Variants in ACAD10 observed in about 807,000 individuals in gnomAD.
The protein encoded by ACAD10 is acyl-CoA dehydrogenase family member 10.
A neutral mutation model predicts 116.8 loss-of-function variants in ACAD10; 112 were observed. That is an observed-to-expected ratio of 0.96 (90% confidence interval 0.82 to 1.12). The LOEUF (loss-of-function observed/expected upper bound fraction) is 1.12. Ranked by LOEUF, ACAD10 falls within the 50% of genes most tolerant of loss-of-function variation. The probability of loss-of-function intolerance (pLI) is 0.00; values close to 1 mark genes in which losing one functional copy is unlikely to be tolerated. For missense variants in ACAD10, 1,259 were observed against 1,350.2 expected, an observed-to-expected ratio of 0.93 and a Z score of 1.06; for synonymous variants, 486 against 510.6, an observed-to-expected ratio of 0.95 and a Z score of 0.65.
At chr12:111,725,732 G>A (rs1003447225) in intron 8 of ACAD10, among the ~76,000 whole-genome samples, 3 of 151,680 alleles carry the variant, frequency 2.0e-5, no homozygotes, top group East Asian at 3.9e-4. Context: ...ACGGGGTTTC[G>A]CCTTGTTGGC....
At chr12:111,746,925 A>G in intron 14 of ACAD10, 124 bp from the exon 15 acceptor site, 1 of 1,309,878 alleles carries the variant, frequency 7.6e-7, no homozygotes, top group Non-Finnish European at 1.0e-6. Flanking sequence ...GCTTGAGCTG[A>G]GGAAGTCGAG....
At chr12:111,708,857 C>T (rs1228331456) in intron 4 of ACAD10, among the ~76,000 whole-genome samples, 5 of 152,084 alleles carry the variant, frequency 3.3e-5, no homozygotes, top group South Asian at 2.1e-4. Flanking sequence ...CAGCACCCTC[C>T]ACCCATTACG....
chr12:111,752,544 GGTTGCA>G (rs1189577792), intron 18 of ACAD10, among the ~76,000 whole-genome samples: 1 of 152,042 alleles, frequency 6.6e-6, no homozygotes, highest in Non-Finnish European at 1.5e-5. Context: ...GGGAGGCAGA[GGTTGCA>G]GTGAGCCGAG....
intron 18 of ACAD10, among the ~76,000 whole-genome samples, chr12:111,750,800 A>G (rs1010535525): frequency 1.2e-4 from 19 of 152,200 alleles, no homozygotes; most frequent in African/African-American, 2.7e-4. Context: ...GTGATTATCA[A>G]TTTCAGAAAG....
At chr12:111,747,588 G>A (rs1295829063) in intron 16 of ACAD10, 2 of 1,397,690 alleles carry the variant, frequency 1.4e-6, no homozygotes, top group East Asian at 2.7e-5. Flanking sequence ...CACTTCACAG[G>A]GCAGGGACGT....
At chr12:111,737,182 T>G (rs1414723102) in intron 12 of ACAD10, among the ~76,000 whole-genome samples, 178 bp downstream of exon 12, 1 of 152,178 alleles carries the variant, frequency 6.6e-6, no homozygotes, top group East Asian at 1.9e-4. Flanking sequence ...CAATATTTAT[T>G]TATTTATTAT....
In ACAD10 at chr12:111,744,994, A is replaced by G; in HGVS notation, c.2066A>G (p.Gln689Arg). The G allele has an allele frequency of 6.2e-7, 1 of 1,614,078 alleles. No homozygotes were observed. Among genetic ancestry groups the G allele is most frequent in the Non-Finnish European group, 8.5e-7 (1 of 1,180,034 alleles). ...YPAEPELQSH[Q>R]ASAARWSPSP... ...GCAGAGCCAGAGCTGCAGAGTCACC[A>G]GGCCTCAGCAGCCAGGTGGAGCCCC... Residue 689 changes from glutamine (Q) to arginine (R), a missense_variant, in exon 13 of 21, where the codon CAG becomes CGG. Transcript: ENST00000313698.
intron 12 of ACAD10, among the ~76,000 whole-genome samples, chr12:111,738,644 A>G (rs1047765988): frequency 1.1e-4 from 17 of 152,042 alleles, no homozygotes; most frequent in African/African-American, 4.1e-4. Flanking sequence ...AGGTGAGCAG[A>G]TCACTTGAGG....
intron 4 of ACAD10, among the ~76,000 whole-genome samples, chr12:111,708,877 T>A (rs540206087): frequency 6.6e-6 from 1 of 152,124 alleles, no homozygotes; most frequent in Non-Finnish European, 1.5e-5. Flanking sequence ...GGATCAGATA[T>A]GTGGCTGAAG....
Position 111,756,723 on chromosome 12 carries a change from G to A in ACAD10, c.*250G>A. ...CCAAGGGGGTTCTGGGACAGAGTCTGGAAAGCTGGTCTTCAGGCTCTCAGT... is the reference window on the plus strand; with the variant it reads ...CCAAGGGGGTTCTGGGACAGAGTCTAGAAAGCTGGTCTTCAGGCTCTCAGT... On this transcript the variant is annotated 3_prime_UTR_variant, in exon 21 of 21. Transcript: ENST00000313698. 1 of 675,228 alleles carries A rather than the reference G, an allele frequency of 1.5e-6. No individual in the cohort carries two copies. Among genetic ancestry groups the A allele is most frequent in the South Asian group, 1.5e-5 (1 of 66,842 alleles). 41.8% of individuals were successfully genotyped at this position (675,228 alleles called of 1,614,324 possible).
intron 3 of ACAD10, among the ~76,000 whole-genome samples, chr12:111,704,879 G>A (rs1888455199): frequency 6.6e-6 from 1 of 151,366 alleles, no homozygotes; most frequent in African/African-American, 2.4e-5. Context: ...AGTAGATAAG[G>A]GGTTTCACCA....
At position 111,712,455 on chromosome 12, in the gene ACAD10, C is replaced by T. The variant is rs189852883; in HGVS notation, c.691-43C>T. The T allele has an allele frequency of 3.7e-4, 580 of 1,563,460 alleles. 3 individuals are homozygous for T. The highest frequency in any genetic ancestry group is 5.6e-4 in the East Asian group (25 of 44,462). On this transcript the variant is annotated intron_variant, in intron 5 of 20. Coordinates refer to ENST00000313698, the MANE Select transcript of ACAD10 (RefSeq NM_025247.6). ...TCCTGTGAAAGGAAGGGAAAAATAA[C>T]AACAACAAAAAATATACATCTACAT... is the stretch of plus-strand genomic sequence containing the variant.
Position 111,721,662 on chromosome 12 carries a change from T to C in ACAD10, c.993-9T>C. ...CAGCAATTTTGTTTATTTTCATTTGTCCTTGCAGGATTATGAAAGCCCTTG... is the reference window on the plus strand; with the variant it reads ...CAGCAATTTTGTTTATTTTCATTTGCCCTTGCAGGATTATGAAAGCCCTTG... On this transcript the variant is annotated splice_polypyrimidine_tract_variant and intron_variant, in intron 7 of 20. Transcript: ENST00000313698. The C allele has an allele frequency of 6.3e-7, 1 of 1,593,794 alleles. No individual in the cohort carries two copies. The highest frequency in any genetic ancestry group is 8.6e-7 in the Non-Finnish European group (1 of 1,165,164).
At chr12:111,706,760 T>TA (rs1888518541) in intron 4 of ACAD10, among the ~76,000 whole-genome samples, 4 of 131,588 alleles carry the variant, frequency 3.0e-5, no homozygotes, top group African/African-American at 8.7e-5. Flanking sequence ...CTATTTATTT[T>TA]TTTATATATA....
chr12:111,739,508 G>A (rs1254090280), intron 12 of ACAD10, among the ~76,000 whole-genome samples: 1 of 152,236 alleles, frequency 6.6e-6, no homozygotes, highest in Non-Finnish European at 1.5e-5. Context: ...TGTAATCCCA[G>A]CACTGTGGGA....
Position 111,745,042 on chromosome 12 carries a change from A to G in ACAD10, c.2114A>G (p.Lys705Arg). Residue 705 changes from lysine to arginine, a missense_variant and splice_region_variant, in exon 13 of 21, where the codon AAG becomes AGG. Coordinates refer to ENST00000313698, the MANE Select transcript of ACAD10 (RefSeq NM_025247.6). ...WSPSPLIEDL[K>R]EKAKAEGLWN... Reference sequence around the variant, plus strand: ...CCCTCCCCACTGATCGAAGACCTCAAGGTAAAGCAGCCATGGTGAGGTGGT... The same window carrying G: ...CCCTCCCCACTGATCGAAGACCTCAGGGTAAAGCAGCCATGGTGAGGTGGT... The G allele has an allele frequency of 6.2e-7, 1 of 1,610,894 alleles. No individual in the cohort carries two copies. Among genetic ancestry groups the G allele is most frequent in the South Asian group, 1.1e-5 (1 of 91,050 alleles).
At chr12:111,756,073 GC>G in intron 20 of ACAD10, 1 of 1,274,908 alleles carries the variant, frequency 7.8e-7, no homozygotes, top group Non-Finnish European at 1.0e-6. Context: ...CAGGGGGGCC[GC>G]CTCCTTAGAT....
intron 19 of ACAD10, among the ~76,000 whole-genome samples, chr12:111,754,431 G>T (rs531209865): frequency 6.6e-6 from 1 of 152,114 alleles, no homozygotes; most frequent in African/African-American, 2.4e-5. Context: ...GACTCCAGGC[G>T]CAAACCTCCA....
intron 6 of ACAD10, chr12:111,715,620 G>C: frequency 1.7e-6 from 1 of 601,068 alleles, no homozygotes; most frequent in Non-Finnish European, 2.9e-6. Flanking sequence ...GTAGTGGCAT[G>C]TGATCCTGGA....
Sources: allele counts gnomAD v4.1 joint callset (sites outside exome capture counted in the v4.1 genomes callset), GRCh38; gene constraint gnomAD v4.1.1; transcripts MANE v1.5; gene names NCBI Gene and HGNC (gene_info 2026-07-23, HGNC 2026-07-21).